SYNE1: variants seen among roughly 807,000 people sequenced by gnomAD.
SYNE1 encodes the protein spectrin repeat containing nuclear envelope protein 1.
A neutral mutation model predicts 1,111.0 loss-of-function variants in SYNE1; 616 were observed. That is an observed-to-expected ratio of 0.55 (90% CI 0.52 to 0.59). SYNE1 has a LOEUF of 0.59. Among genes scored for constraint, SYNE1 ranks in the 20% least tolerant of loss-of-function variants. SYNE1 has a pLI of 0.00. For synonymous variants in SYNE1, 3,855 were observed against 3,825.8 expected (o/e 1.01, Z -0.28); for missense variants, 10,006 against 10,417.0 (o/e 0.96, Z 1.72).
intron 98 of SYNE1, among the ~76,000 whole-genome samples, chr6:152,271,954 C>A (rs1311873028): frequency 1.3e-5 from 2 of 152,198 alleles, no homozygotes; most frequent in Non-Finnish European, 2.9e-5. Flanking sequence ...CTGAGCCCAA[C>A]ACGCTCTTCT....
chr6:152,549,449 G>C (rs549518647), intron 3 of SYNE1, among the ~76,000 whole-genome samples: 2 of 152,280 alleles, frequency 1.3e-5, no homozygotes, highest in East Asian at 3.9e-4. Flanking sequence ...ACATGTGTGG[G>C]GGGGCGGTGG....
chr6:152,367,134 C>A, intron 62 of SYNE1, 84 bp downstream of exon 62: 3 of 1,522,846 alleles, frequency 2.0e-6, no homozygotes, highest in Non-Finnish European at 2.7e-6. Context: ...AATGTGACAT[C>A]ATCACCCCAG....
chr6:152,586,636 A>T (rs140183032), intron 3 of SYNE1, among the ~76,000 whole-genome samples: 2 of 137,780 alleles, frequency 1.5e-5, no homozygotes, highest in South Asian at 5.4e-4. Flanking sequence ...GATGCTGGCT[A>T]TATACAAACA....
intron 3 of SYNE1, among the ~76,000 whole-genome samples, chr6:152,605,932 A>G (rs936710002): frequency 6.6e-6 from 1 of 152,214 alleles, no homozygotes; most frequent in Non-Finnish European, 1.5e-5. Flanking sequence ...TCCCAAAGCC[A>G]AAGTTAAAAT....
At chr6:152,316,349 T>C (rs1364954458) in intron 87 of SYNE1, 2 of 183,976 alleles carry the variant, frequency 1.1e-5, no homozygotes, top group Non-Finnish European at 2.3e-5. Flanking sequence ...CCACTTGATC[T>C]CATAAGTCTG....
At chr6:152,385,135 A>G (rs1272075619) in intron 55 of SYNE1, among the ~76,000 whole-genome samples, 1 of 152,188 alleles carries the variant, frequency 6.6e-6, no homozygotes, top group African/African-American at 2.4e-5. Context: ...TTAAGCAACT[A>G]GAAATTTACT....
At chr6:152,277,912 T>C in intron 98 of SYNE1, 177 bp downstream of exon 98, 2 of 767,612 alleles carry the variant, frequency 2.6e-6, no homozygotes. Flanking sequence ...TATTTGCAAA[T>C]GTTTGCCAAA....
chr6:152,550,665 T>C lies in SYNE1; in HGVS notation c.68-10644A>G, dbSNP rs149221925. Among the ~76,000 whole-genome samples the C allele has an allele frequency of 5.6e-3, 852 of 152,062 alleles. 9 individuals carry two copies. The highest frequency in any genetic ancestry group is 0.019 in the African/African-American group (782 of 41,472). On this transcript the variant is annotated intron_variant, in intron 3 of 145. Transcript: ENST00000367255. ...ATAATTTGGTAGCAAAAAATTGACC[T>C]GAATTGAGAAAAGACTATTTATAGT...
chr6:152,151,882 CTG>C (rs2060484354), intron 134 of SYNE1, 75 bp downstream of exon 134: 1 of 1,560,310 alleles, frequency 6.4e-7, no homozygotes, highest in African/African-American at 1.4e-5. Flanking sequence ...ATCACTGAGA[CTG>C]TGTCTCAAGA....
At chr6:152,188,470 A>G (rs1168116954) in intron 128 of SYNE1, among the ~76,000 whole-genome samples, 1 of 152,194 alleles carries the variant, frequency 6.6e-6, no homozygotes, top group East Asian at 1.9e-4. Context: ...ATAAAGTATG[A>G]CTAAAAATAA....
intron 55 of SYNE1, among the ~76,000 whole-genome samples, chr6:152,382,873 T>C (rs1381349824): frequency 6.6e-6 from 1 of 152,224 alleles, no homozygotes; most frequent in African/African-American, 2.4e-5. Flanking sequence ...ATCATCATTG[T>C]CAAGAGTTTT....
intron 101 of SYNE1, 121 bp downstream of exon 101, chr6:152,261,911 T>C: frequency 1.5e-6 from 1 of 685,572 alleles, no homozygotes; most frequent in Non-Finnish European, 2.3e-6. Flanking sequence ...AGTGAAAAAT[T>C]GGTGTCATGT....
chr6:152,354,882 T>C lies in SYNE1; in HGVS notation c.10703A>G (p.Glu3568Gly). The C allele has an allele frequency of 6.2e-7, 1 of 1,614,224 alleles. No homozygotes were observed. Among genetic ancestry groups the C allele is most frequent in the South Asian group, 1.1e-5 (1 of 91,086 alleles). The change falls in exon 67 of 146, where the codon GAG (glutamate) becomes GGG (glycine). Residue 3568 changes from glutamate to glycine, a missense_variant. This residue lies in a region of SYNE1 where 4,955 missense variants were observed against 5,017.2 expected (regional missense o/e 0.99). Coordinates refer to ENST00000367255, the MANE Select transcript of SYNE1 (RefSeq NM_182961.4). The part of the protein sequence containing the change: ...DVIPSGIPQA[E>G]DRALESLRQD... Reference sequence around the variant, plus strand: ...CCGGAGAGACTCTAAAGCCCGGTCCTCTGCCTGTGGGATACCTGATGGGAT... The same window carrying C: ...CCGGAGAGACTCTAAAGCCCGGTCCCCTGCCTGTGGGATACCTGATGGGAT...
intron 62 of SYNE1, chr6:152,366,940 T>C (rs2097092227): frequency 1.7e-6 from 1 of 602,312 alleles, no homozygotes; most frequent in South Asian, 1.6e-5. Context: ...ATAATGAATA[T>C]GTCTGTGATC....
At position 152,359,325 on chromosome 6, in the gene SYNE1, T is replaced by C; in HGVS notation, c.10433A>G (p.Glu3478Gly). The C allele has an allele frequency of 9.3e-6, 15 of 1,614,076 alleles. No individual in the cohort carries two copies. Among genetic ancestry groups the C allele is most frequent in the Non-Finnish European group, 1.3e-5 (15 of 1,180,006 alleles). The change falls in exon 65 of 146, where the codon GAG (glutamate) becomes GGG (glycine). Residue 3478 changes from glutamate (E) to glycine (G), a missense_variant. Physicochemically the swap from Glu to Gly is moderately conservative, Grantham distance 98 (BLOSUM62 -2). Transcript: ENST00000367255. ...AGTGCTTTGCCGTACCTTGGCCCTC[T>C]CTTGGATGGCTCTGTATCGTTCCTG... Reference protein sequence around the residue: ...DLQERYRAIQERAKEAVTKSE... With the variant: ...DLQERYRAIQGRAKEAVTKSE...
chr6:152,416,589 C>T lies in SYNE1; in HGVS notation c.5848G>A (p.Ala1950Thr), dbSNP rs2098159056. 1.2e-6 allele frequency: 2 copies of T among 1,614,104 alleles called. No homozygotes were observed. The highest frequency in any genetic ancestry group is 1.7e-6 in the Non-Finnish European group (2 of 1,180,022). ...GSSEQRTSCR[A>T]TADQLCGEVE... The stretch of plus-strand genomic sequence containing the variant: ...TCTCCACAGAGCTGATCAGCCGTGG[C>T]TCTGCAGGAAGTCCTTTGCTCAGAG... Residue 1950 changes from alanine (A) to threonine (T), a missense_variant, in exon 41 of 146, where the codon GCC becomes ACC. Ala to Thr is a moderately conservative substitution (Grantham distance 58, BLOSUM62 0). This residue lies in a region of SYNE1 where 4,955 missense variants were observed against 5,017.2 expected (regional missense o/e 0.99). Transcript: ENST00000367255.
chr6:152,591,210 T>C (rs2099562119), intron 3 of SYNE1, among the ~76,000 whole-genome samples: 1 of 152,164 alleles, frequency 6.6e-6, no homozygotes, highest in Non-Finnish European at 1.5e-5. Context: ...TGTACAGAAA[T>C]GCTACTGAAG....
chr6:152,491,736 ACT>A (rs1271310986), intron 11 of SYNE1, among the ~76,000 whole-genome samples: 1 of 151,732 alleles, frequency 6.6e-6, no homozygotes, highest in Non-Finnish European at 1.5e-5. Flanking sequence ...TCCCAGTGCG[ACT>A]CATCACAAAT....
chr6:152,350,917 A>C, intron 70 of SYNE1, 147 bp from the exon 71 acceptor site: 1 of 957,818 alleles, frequency 1.0e-6, no homozygotes, highest in Non-Finnish European at 1.6e-6. Context: ...CATTAAAGAG[A>C]GAGTGATTTA....
Sources: allele counts gnomAD v4.1 joint callset (sites outside exome capture counted in the v4.1 genomes callset), GRCh38; gene constraint gnomAD v4.1.1; regional missense constraint gnomAD v4.1.1; transcripts MANE v1.5; gene names NCBI Gene and HGNC (gene_info 2026-07-23, HGNC 2026-07-21).